Variants in TAB2 observed in about 807,000 individuals in gnomAD.
TAB2 encodes the protein TGF-beta-activated kinase 1 and MAP3K7-binding protein 2.
In TAB2, 3 loss-of-function variants were observed where a neutral mutation model predicts 65.0. The observed-to-expected ratio is 0.05, with a 90% CI of 0.02 to 0.12. The LOEUF (loss-of-function observed/expected upper bound fraction) is 0.12. Among genes scored for constraint, TAB2 ranks in the 10% least tolerant of loss-of-function variants. TAB2 has a pLI of 1.00. For synonymous variants in TAB2, 298 were observed against 285.1 expected, an observed-to-expected ratio of 1.05 and a Z score of -0.46; for missense variants, 623 against 840.3, an observed-to-expected ratio of 0.74 and a Z score of 3.20.
intron 1 of TAB2, among the ~76,000 whole-genome samples, chr6:149,361,724 G>A (rs1780859640): frequency 6.6e-6 from 1 of 152,120 alleles, no homozygotes; most frequent in African/African-American, 2.4e-5. Context: ...AACTTTTATA[G>A]TTCTACTTCC....
intron 1 of TAB2, among the ~76,000 whole-genome samples, chr6:149,287,493 T>TTTA (rs1554256448): frequency 2.0e-5 from 3 of 150,670 alleles, no homozygotes; most frequent in African/African-American, 4.9e-5. Flanking sequence ...TTTTTTTTTT[T>TTTA]AAAAAGAAAG....
chr6:149,312,356 A>T (rs545750), intron 1 of TAB2, among the ~76,000 whole-genome samples: 67,560 of 151,880 alleles, frequency 0.44, 15,469 homozygotes, highest in African/African-American at 0.57. Flanking sequence ...GCTTTTTTTT[A>T]ATTTTTTTGT....
chr6:149,294,804 C>T (rs910132450), intron 1 of TAB2, among the ~76,000 whole-genome samples: 26 of 152,142 alleles, frequency 1.7e-4, no homozygotes, highest in Non-Finnish European at 3.8e-4. Context: ...CAAATTCTCC[C>T]ACTGGCCAGC....
intron 1 of TAB2, among the ~76,000 whole-genome samples, chr6:149,303,429 C>A (rs1007137086): frequency 6.6e-6 from 1 of 151,272 alleles, no homozygotes; most frequent in African/African-American, 2.5e-5. Flanking sequence ...ACACAGGCTG[C>A]AAAGCAGGAT....
At chr6:149,236,310 A>G (rs1287875106) in intron 1 of TAB2, among the ~76,000 whole-genome samples, 1 of 152,246 alleles carries the variant, frequency 6.6e-6, no homozygotes, top group Non-Finnish European at 1.5e-5. Context: ...CGTAAGTCAC[A>G]GGATCAAACA....
intron 1 of TAB2, among the ~76,000 whole-genome samples, chr6:149,235,243 C>T (rs1040000820): frequency 2.7e-4 from 41 of 152,170 alleles, no homozygotes; most frequent in African/African-American, 7.5e-4. Flanking sequence ...GTTTCAATCC[C>T]GGATGACACA....
rs143423039 is a variant in TAB2 at position 149,328,313 on chromosome 6, A to G, written c.-90+10298A>G. Reference sequence around the variant, plus strand: ...CTCTACATTCTGTTTGTTTTGTTTGAGAGGGAGTCTGCTCTGTCCCTCAGG... The same window carrying G: ...CTCTACATTCTGTTTGTTTTGTTTGGGAGGGAGTCTGCTCTGTCCCTCAGG... On this transcript the variant is annotated intron_variant, in intron 1 of 6. Coordinates refer to ENST00000637181, the MANE Select transcript of TAB2 (RefSeq NM_001292034.3). Among the ~76,000 whole-genome samples the G allele has an allele frequency of 9.1e-4, 138 of 152,258 alleles. 1 individual carries two copies. Among genetic ancestry groups the G allele is most frequent in the African/African-American group, 3.2e-3 (135 of 41,544 alleles).
chr6:149,249,141 C>G (rs1290448778), intron 1 of TAB2, among the ~76,000 whole-genome samples: 1 of 118,220 alleles, frequency 8.5e-6, no homozygotes, highest in Non-Finnish European at 1.7e-5. Flanking sequence ...CACATACACA[C>G]ACACACACAC....
chr6:149,378,584 T>G lies in TAB2; in HGVS notation c.669T>G (p.Gly223=). Residue 223 remains glycine, a synonymous_variant, in exon 3 of 7, where the codon GGT becomes GGG. Transcript: ENST00000637181. Reference sequence around the variant, plus strand: ...TTAGGCCTTACATTACAACTCCTGGTGGTACAACTCGACAGACACAACAGC... The same window carrying G: ...TTAGGCCTTACATTACAACTCCTGGGGGTACAACTCGACAGACACAACAGC... ...IYIRPYITTP[G]GTTRQTQQHS... is the part of the protein sequence containing the mutation. The G allele has an allele frequency of 6.2e-7, 1 of 1,613,854 alleles. No individual in the cohort carries two copies. The highest frequency in any genetic ancestry group is 8.5e-7 in the Non-Finnish European group (1 of 1,180,042).
At chr6:149,303,094 C>T (rs1562406156) in intron 1 of TAB2, among the ~76,000 whole-genome samples, 2 of 152,208 alleles carry the variant, frequency 1.3e-5, no homozygotes. Flanking sequence ...CCCATCAACC[C>T]CAGACAGGAT....
chr6:149,273,536 G>C (rs1778402478), intron 1 of TAB2, among the ~76,000 whole-genome samples: 2 of 152,212 alleles, frequency 1.3e-5, no homozygotes, highest in Admixed American at 1.3e-4. Context: ...GGCTGGACCA[G>C]AGTGGGCCAG....
rs1330377951 is a variant in TAB2 at position 149,409,689 on chromosome 6, T to G, written c.2052T>G (p.Cys684Trp). The change falls in exon 7 of 7, where the codon TGT (cysteine) becomes TGG (tryptophan). Residue 684 changes from cysteine (C) to tryptophan (W), a missense_variant. Cys to Trp is a radical substitution (Grantham distance 215, BLOSUM62 -2). Coordinates refer to ENST00000637181, the MANE Select transcript of TAB2 (RefSeq NM_001292034.3). ...TGAACCATCCAGCCTTAATTCGCTG[T>G]GAACAGTGTGAGATGCCAAGGCATT... ...TFLNHPALIR[C>W]EQCEMPRHF 1 of 1,614,052 alleles carries G rather than the reference T, an allele frequency of 6.2e-7. No homozygotes were observed. The highest frequency in any genetic ancestry group is 8.5e-7 in the Non-Finnish European group (1 of 1,180,002).
Position 149,378,535 on chromosome 6 carries a change from G to T in TAB2, c.620G>T (p.Ser207Ile). The T allele has an allele frequency of 6.2e-7, 1 of 1,614,066 alleles. No homozygotes were observed. The highest frequency in any genetic ancestry group is 8.5e-7 in the Non-Finnish European group (1 of 1,180,042). ...IHGVPPPVLN[S>I]PQGNSIYIRP... Reference sequence around the variant, plus strand: ...GGTGTACCTCCACCTGTACTTAACAGTCCACAGGGAAATTCTATCTATATT... The same window carrying T: ...GGTGTACCTCCACCTGTACTTAACATTCCACAGGGAAATTCTATCTATATT... The change falls in exon 3 of 7, where the codon AGT (serine) becomes ATT (isoleucine). Residue 207 changes from serine (S) to isoleucine (I), a missense_variant. By Grantham distance (142) the Ser-to-Ile change is moderately radical. This residue lies in a region of TAB2 where 550 missense variants were observed against 665.7 expected (regional missense o/e 0.83). Coordinates refer to ENST00000637181, the MANE Select transcript of TAB2 (RefSeq NM_001292034.3).
intron 6 of TAB2, among the ~76,000 whole-genome samples, chr6:149,408,560 A>C (rs1220835740): frequency 1.3e-5 from 2 of 152,230 alleles, no homozygotes; most frequent in Non-Finnish European, 2.9e-5. Context: ...TGGAATTTGC[A>C]TATTAATATA....
intron 1 of TAB2, among the ~76,000 whole-genome samples, chr6:149,305,793 A>T (rs999999056): frequency 6.6e-6 from 1 of 152,212 alleles, no homozygotes; most frequent in African/African-American, 2.4e-5. Flanking sequence ...AGATACACAG[A>T]CTTATGATTA....
At chr6:149,320,982 G>T (rs1469584529) in intron 1 of TAB2, 1 of 152,214 alleles carries the variant, frequency 6.6e-6, no homozygotes, top group Non-Finnish European at 1.5e-5. Flanking sequence ...AGAGGCACAT[G>T]TGAAGATTGG....
intron 1 of TAB2, among the ~76,000 whole-genome samples, chr6:149,239,850 T>C (rs1777565704): frequency 6.6e-6 from 1 of 152,198 alleles, no homozygotes; most frequent in Non-Finnish European, 1.5e-5. Context: ...GCAGAGATGA[T>C]AGCCTAGTAG....
At chr6:149,254,112 A>AGGAAGGAC (rs1562389742) in intron 1 of TAB2, among the ~76,000 whole-genome samples, 1 of 132,832 alleles carries the variant, frequency 7.5e-6, no homozygotes, top group Non-Finnish European at 1.7e-5. Context: ...GAAGGAAGGA[A>AGGAAGGAC]GGACAGGGAA....
chr6:149,325,957 T>C (rs1256055424), intron 1 of TAB2, among the ~76,000 whole-genome samples: 1 of 152,124 alleles, frequency 6.6e-6, no homozygotes, highest in East Asian at 1.9e-4. Flanking sequence ...TAGGCTGGTC[T>C]TGAGCAGCTA....
Sources: gnomAD v4.1 joint callset for allele counts (sites outside exome capture counted in the v4.1 genomes callset) on GRCh38, gnomAD v4.1.1 for gene constraint, gnomAD v4.1.1 regional missense constraint, MANE v1.5 for transcripts, NCBI Gene and HGNC (gene_info 2026-07-23, HGNC 2026-07-21) for gene names.